Variants in ZNF157 observed in about 807,000 individuals in gnomAD.
The protein encoded by ZNF157 is zinc finger protein 22.
In ZNF157, 8 loss-of-function variants were observed where a neutral mutation model predicts 9.4. That is an observed-to-expected ratio of 0.85 (90% CI 0.50 to 1.53). The LOEUF is 1.53. Among genes scored for constraint, ZNF157 ranks in the 40% most tolerant of loss-of-function variants. ZNF157 has a pLI of 0.00. For missense variants in ZNF157, 316 were observed against 385.2 expected (o/e 0.82, Z 1.50); for synonymous variants, 120 against 130.8 (o/e 0.92, Z 0.56).
At chrX:47,404,454 C>T (rs1439538168) in intron 1 of ZNF157, among the ~76,000 whole-genome samples, 4 of 110,188 alleles carry the variant, frequency 3.6e-5, no homozygotes, top group African/African-American at 9.9e-5. Flanking sequence ...CTTGAGCCAC[C>T]GCACCTGGCA....
At chrX:47,388,609 A>G (rs1403668155) in intron 1 of ZNF157, 1 of 123,608 alleles carries the variant, frequency 8.1e-6, no homozygotes, top group African/African-American at 3.2e-5. Flanking sequence ...GAGCCACTGC[A>G]TGCAGCAGTT....
intron 1 of ZNF157, among the ~76,000 whole-genome samples, chrX:47,405,205 T>C (rs1185245554): frequency 4.5e-5 from 5 of 110,648 alleles, no homozygotes; most frequent in African/African-American, 1.6e-4. Context: ...CTGGCCAACA[T>C]GGTGAAACCC....
In ZNF157 at chrX:47,413,292, A is replaced by T. The variant is rs757716288; in HGVS notation, c.1219A>T (p.Met407Leu). Residue 407 changes from methionine (M) to leucine (L), a missense_variant, in exon 4 of 4, where the codon ATG becomes TTG. This residue lies in a region of ZNF157 where 167 missense variants were observed against 183.6 expected (regional missense o/e 0.91). Transcript: ENST00000377073. Reference protein sequence around the residue: ...VKARLIEHQRMHSGEKPYECS... With the variant: ...VKARLIEHQRLHSGEKPYECS... ...AGCACGCCTAATTGAACATCAGAGG[A>T]TGCATTCAGGAGAGAAACCCTACGA... 1.7e-6 allele frequency: 2 copies of T among 1,210,134 alleles called. No individual in the cohort carries two copies. Among genetic ancestry groups the T allele is most frequent in the African/African-American group, 3.5e-5 (2 of 57,294 alleles).
In ZNF157 at chrX:47,370,719, A is replaced by G. The variant is rs1332427045; in HGVS notation, c.51A>G (p.Gly17=). 4 of 1,201,651 alleles carry G rather than the reference A, an allele frequency of 3.3e-6. No individual in the cohort carries two copies. The East Asian group carries it at 1.2e-4, about 36-fold the overall frequency. ...SPQRFPALIP[G]EPGRSFEGSV... is the part of the protein sequence containing the mutation. The stretch of plus-strand genomic sequence containing the variant: ...AGAGATTCCCTGCCCTGATTCCAGG[A>G]GAACCTGGCAGATCTTTTGAGGTAA... Residue 17 remains glycine (G), a synonymous_variant, in exon 1 of 4, where the codon GGA becomes GGG. Coordinates refer to ENST00000377073, the MANE Select transcript of ZNF157 (RefSeq NM_003446.4).
At chrX:47,385,783 G>A (rs2055877951) in intron 1 of ZNF157, among the ~76,000 whole-genome samples, 1 of 110,370 alleles carries the variant, frequency 9.1e-6, no homozygotes, top group African/African-American at 3.3e-5. Flanking sequence ...GGCCAGGCTG[G>A]TCTCAAACTC....
At chrX:47,402,084 T>G (rs778972680) in intron 1 of ZNF157, among the ~76,000 whole-genome samples, 4 of 111,909 alleles carry the variant, frequency 3.6e-5, no homozygotes, top group African/African-American at 9.7e-5. Context: ...ATATAAATCC[T>G]CTAGCTTTTT....
chrX:47,393,485 A>G (rs948878929), intron 1 of ZNF157, among the ~76,000 whole-genome samples: 3 of 111,716 alleles, frequency 2.7e-5, no homozygotes, highest in African/African-American at 9.7e-5. Flanking sequence ...TCCCATCTCT[A>G]TTCCTGATTC....
intron 1 of ZNF157, 76 bp from the exon 2 acceptor site, chrX:47,410,200 G>A: frequency 8.5e-7 from 1 of 1,172,560 alleles, no homozygotes; most frequent in South Asian, 1.8e-5. Flanking sequence ...CTTTCAACAG[G>A]GCTCCATTGA....
intron 1 of ZNF157, among the ~76,000 whole-genome samples, chrX:47,393,939 A>G (rs1375422982): frequency 9.4e-6 from 1 of 105,920 alleles, no homozygotes; most frequent in Admixed American, 1.0e-4. Context: ...ACGGGGTCTC[A>G]CTTTGTTGCC....
Position 47,394,523 on chromosome X carries a change from C to T in ZNF157, c.73-15753C>T, listed in dbSNP as rs181695779. Among the ~76,000 whole-genome samples, 264 of 111,642 alleles carry T rather than the reference C, an allele frequency of 2.4e-3. 3 individuals are homozygous for T. The highest frequency in any genetic ancestry group is 8.2e-3 in the African/African-American group (252 of 30,818). On this transcript the variant is annotated intron_variant, in intron 1 of 3. Transcript: ENST00000377073. ...AGGCCGCCCCTTCAAATACGTTGCT[C>T]GAAAATCTCTCAGCTAAATAAATAC...
chrX:47,390,299 G>T (rs2055893039), intron 1 of ZNF157: 1 of 112,065 alleles, frequency 8.9e-6, no homozygotes, highest in African/African-American at 3.2e-5. Flanking sequence ...GCCTCAAACT[G>T]CTGTGCTGCT....
intron 1 of ZNF157, among the ~76,000 whole-genome samples, chrX:47,378,715 G>A (rs1188700716): frequency 9.0e-6 from 1 of 111,371 alleles, no homozygotes; most frequent in African/African-American, 3.3e-5. Flanking sequence ...GCCTGCACCT[G>A]TAATCTCAGC....
At chrX:47,411,610 C>T (rs2055965417) in intron 3 of ZNF157, among the ~76,000 whole-genome samples, 1 of 110,213 alleles carries the variant, frequency 9.1e-6, no homozygotes, top group African/African-American at 3.3e-5. Context: ...TCAAGTGATC[C>T]ACCTGCCATG....
At chrX:47,384,565 T>C (rs2055873879) in intron 1 of ZNF157, among the ~76,000 whole-genome samples, 1 of 112,382 alleles carries the variant, frequency 8.9e-6, no homozygotes, top group South Asian at 3.7e-4. Context: ...CAGTATTACT[T>C]GAACATGCTA....
chrX:47,408,106 T>A lies in ZNF157; in HGVS notation c.73-2170T>A, dbSNP rs769858751. Among the ~76,000 whole-genome samples, 437 of 85,462 alleles carry A rather than the reference T, an allele frequency of 5.1e-3. 3 individuals carry two copies. Among genetic ancestry groups the A allele is most frequent in the Non-Finnish European group, 6.5e-3 (300 of 46,230 alleles). 74.2% of individuals were successfully genotyped at this position (85,462 alleles called of 115,157 possible). On this transcript the variant is annotated intron_variant, in intron 1 of 3. Coordinates refer to ENST00000377073, the MANE Select transcript of ZNF157 (RefSeq NM_003446.4). ...AAGGCAAAGAGGAAGAAGGAAGAAA[T>A]TTTTTTTTTTTTTTAGACGGAGTTT...
At chrX:47,371,022 A>G (rs765582337) in intron 1 of ZNF157, among the ~76,000 whole-genome samples, 1 of 110,741 alleles carries the variant, frequency 9.0e-6, no homozygotes, top group East Asian at 2.9e-4. Context: ...CTCCAATACT[A>G]TAATTTTTTC....
chrX:47,410,547 C>T, intron 2 of ZNF157, 133 bp from the exon 3 acceptor site: 6 of 943,222 alleles, frequency 6.4e-6, no homozygotes, highest in Non-Finnish European at 8.8e-6. Context: ...TGTGTGCGTT[C>T]TTACTTCCCC....
intron 1 of ZNF157, among the ~76,000 whole-genome samples, chrX:47,386,794 G>T (rs2055880836): frequency 9.0e-6 from 1 of 111,101 alleles, no homozygotes; most frequent in African/African-American, 3.3e-5. Context: ...TTATTTATTT[G>T]CTTGTTGCCT....
intron 1 of ZNF157, among the ~76,000 whole-genome samples, chrX:47,383,387 A>G (rs1242281514): frequency 3.0e-5 from 3 of 99,099 alleles, no homozygotes; most frequent in Non-Finnish European, 4.0e-5. Flanking sequence ...AAAAAAAAAA[A>G]AAAAAAAAAA....
Sources: gnomAD v4.1 joint callset for allele counts (sites outside exome capture counted in the v4.1 genomes callset) on GRCh38, gnomAD v4.1.1 for gene constraint, gnomAD v4.1.1 regional missense constraint, MANE v1.5 for transcripts, NCBI Gene and HGNC (gene_info 2026-07-23, HGNC 2026-07-21) for gene names.